Variants in DNAJB14 observed in about 807,000 individuals in gnomAD.
DNAJB14 encodes the protein DnaJ heat shock protein family (Hsp40) member B14.
In DNAJB14, 22 loss-of-function variants were observed where a neutral mutation model predicts 48.4. The ratio of observed to expected loss-of-function variants is 0.45; its 90% confidence interval spans 0.32 to 0.65. The LOEUF is 0.65. DNAJB14 is among the 30% of genes least tolerant of loss of function. The pLI is 0.03. For missense variants in DNAJB14, 319 were observed against 458.8 expected (o/e 0.70, Z 2.78); for synonymous variants, 142 against 158.7 (o/e 0.89, Z 0.79).
At chr4:99,924,740 G>A (rs1324445020) in intron 2 of DNAJB14, 3 of 1,611,008 alleles carry the variant, frequency 1.9e-6, no homozygotes, top group Admixed American at 3.4e-5. Context: ...GGAAATGGGG[G>A]GCATTTATAA....
At chr4:99,925,443 T>C (rs1726216015) in intron 2 of DNAJB14, 1 of 152,132 alleles carries the variant, frequency 6.6e-6, no homozygotes, top group South Asian at 2.1e-4. Context: ...TAAAGAATTG[T>C]AGAATTTTAT....
intron 5 of DNAJB14, chr4:99,906,095 T>A: frequency 7.6e-7 from 1 of 1,313,782 alleles, no homozygotes; most frequent in Admixed American, 2.3e-5. Flanking sequence ...GGGCCAGGCC[T>A]TTTAATTTCT....
At chr4:99,939,391 A>G (rs1012448886) in intron 1 of DNAJB14, among the ~76,000 whole-genome samples, 1 of 152,228 alleles carries the variant, frequency 6.6e-6, no homozygotes, top group Non-Finnish European at 1.5e-5. Context: ...AATAAAATAA[A>G]ACAAAATAAA....
At chr4:99,925,791 T>C (rs1726229173) in intron 2 of DNAJB14, 1 of 152,110 alleles carries the variant, frequency 6.6e-6, no homozygotes, top group Admixed American at 6.6e-5. Context: ...ATAAAGAAGC[T>C]AATAGAAACA....
intron 1 of DNAJB14, among the ~76,000 whole-genome samples, chr4:99,940,554 G>A (rs948264221): frequency 2.0e-5 from 3 of 152,108 alleles, no homozygotes; most frequent in Non-Finnish European, 2.9e-5. Flanking sequence ...TTGTGCCACT[G>A]CACTCCAGCC....
At position 99,919,547 on chromosome 4, in the gene DNAJB14, G is replaced by A. The variant is rs533337635; in HGVS notation, c.451+3493C>T. Among the ~76,000 whole-genome samples the A allele has an allele frequency of 2.0e-5, 3 of 152,196 alleles. No homozygotes were observed. In the South Asian group the frequency reaches 6.2e-4, roughly 32 times the overall value. The stretch of plus-strand genomic sequence containing the variant: ...TGCGGTGAGCTGAGACTGCGCCACT[G>A]CATTCCAGCCTGGGTGACAGAGCAA... On this transcript the variant is annotated intron_variant, in intron 3 of 7. Coordinates refer to ENST00000442697, the MANE Select transcript of DNAJB14 (RefSeq NM_001031723.4).
chr4:99,929,760 C>T (rs1033928935), intron 2 of DNAJB14: 11 of 152,184 alleles, frequency 7.2e-5, no homozygotes, highest in African/African-American at 2.7e-4. Context: ...TTGAATTAAT[C>T]TCTGTTCAAA....
intron 6 of DNAJB14, among the ~76,000 whole-genome samples, chr4:99,904,716 C>CACAAAAAG (rs1725406987): frequency 6.6e-6 from 1 of 152,006 alleles, no homozygotes; most frequent in African/African-American, 2.4e-5. Context: ...AAAAAGTAAC[C>CACAAAAAG]ACATTTTTAA....
intron 7 of DNAJB14, among the ~76,000 whole-genome samples, chr4:99,903,326 C>A (rs544181522): frequency 1.3e-5 from 2 of 151,808 alleles, no homozygotes; most frequent in East Asian, 1.9e-4. Flanking sequence ...ATTCTAAATA[C>A]AAAAGCTAAA....
intron 1 of DNAJB14, chr4:99,942,391 AAC>A (rs1726919145): frequency 6.6e-6 from 1 of 152,074 alleles, no homozygotes; most frequent in Non-Finnish European, 1.5e-5. Context: ...AAAGCATTAA[AAC>A]AGATTGTACC....
intron 1 of DNAJB14, among the ~76,000 whole-genome samples, chr4:99,933,592 T>C (rs1343307536): frequency 6.6e-6 from 1 of 152,134 alleles, no homozygotes; most frequent in Non-Finnish European, 1.5e-5. Context: ...GCCACACGCC[T>C]GGCCAATTTT....
At chr4:99,931,830 GGAAAA>G (rs1405349096) in intron 1 of DNAJB14, among the ~76,000 whole-genome samples, 4 of 151,008 alleles carry the variant, frequency 2.6e-5, no homozygotes, top group East Asian at 1.9e-4. Context: ...TAAATGGGTT[GGAAAA>G]GAAAAAACAA....
chr4:99,903,672 C>CAA, intron 7 of DNAJB14, 54 bp downstream of exon 7: 3 of 1,525,208 alleles, frequency 2.0e-6, no homozygotes, highest in Non-Finnish European at 2.6e-6. Context: ...CTACATTAAT[C>CAA]AGTTCCAAAG....
chr4:99,901,156 T>C lies in DNAJB14; in HGVS notation c.1016-4A>G. 1.3e-6 allele frequency: 2 copies of C among 1,575,888 alleles called. No homozygotes were observed. The highest frequency in any genetic ancestry group is 2.4e-5 in the South Asian group (2 of 84,644). On this transcript the variant is annotated splice_polypyrimidine_tract_variant and splice_region_variant and intron_variant, in intron 7 of 7. Coordinates refer to ENST00000442697, the MANE Select transcript of DNAJB14 (RefSeq NM_001031723.4). ...GCTGCATACTGCATATCTGTTTCTGTTAATAAAGAAAAATATTTTGCTAAT... is the reference window on the plus strand; with the variant it reads ...GCTGCATACTGCATATCTGTTTCTGCTAATAAAGAAAAATATTTTGCTAAT...
At position 99,906,591 on chromosome 4, in the gene DNAJB14, T is replaced by G; in HGVS notation, c.658A>C (p.Asn220His). The stretch of plus-strand genomic sequence containing the variant: ...TGTTGGCTATAACCAGCTCTTCCAT[T>G]TGAAAAAGAATGTACACTACCTAAA... Reference protein sequence around the residue: ...FPSGSVHSFSNGRAGYSQQHQ... With the variant: ...FPSGSVHSFSHGRAGYSQQHQ... The change falls in exon 5 of 8, where the codon AAT becomes CAT. Residue 220 changes from asparagine to histidine, a missense_variant. This residue lies in a region of DNAJB14 where 166 missense variants were observed against 236.3 expected (regional missense o/e 0.70). Transcript: ENST00000442697. 1 of 1,611,552 alleles carries G rather than the reference T, an allele frequency of 6.2e-7. No individual in the cohort carries two copies. Among genetic ancestry groups the G allele is most frequent in the Non-Finnish European group, 8.5e-7 (1 of 1,179,484 alleles).
chr4:99,946,481 G>A lies in DNAJB14; in HGVS notation c.91C>T (p.Leu31=), dbSNP rs905675763. Reference sequence around the variant, plus strand: ...GGGTAGAGCTTCTCGGCCTTCTGCAGGAAGCGCTGGGCCTTCTCGCGGTTG... The same window carrying A: ...GGGTAGAGCTTCTCGGCCTTCTGCAAGAAGCGCTGGGCCTTCTCGCGGTTG... ...AGNREKAQRF[L]QKAEKLYPLP... The change falls in exon 1 of 8, where the codon CTG becomes TTG. Residue 31 remains leucine (L), a synonymous_variant. Transcript: ENST00000442697. 1 of 1,613,798 alleles carries A rather than the reference G, an allele frequency of 6.2e-7. No homozygotes were observed. The highest frequency in any genetic ancestry group is 1.3e-5 in the African/African-American group (1 of 75,022).
chr4:99,945,593 T>A (rs1578244842), intron 1 of DNAJB14, among the ~76,000 whole-genome samples: 1 of 152,362 alleles, frequency 6.6e-6, no homozygotes, highest in South Asian at 2.1e-4. Context: ...TATCAGAAAG[T>A]CTGTTTCCAC....
At chr4:99,905,202 T>A (rs986163278) in intron 6 of DNAJB14, among the ~76,000 whole-genome samples, 10 of 152,038 alleles carry the variant, frequency 6.6e-5, no homozygotes, top group Admixed American at 4.6e-4. Context: ...TTTTATTTAA[T>A]CGATATTTTG....
In DNAJB14 at chr4:99,906,554, C is replaced by T. The variant is rs1560731722; in HGVS notation, c.695G>A (p.Arg232Gln). The T allele has an allele frequency of 4.3e-6, 7 of 1,611,212 alleles. No homozygotes were observed. The South Asian group carries it at 5.5e-5, about 13-fold the overall frequency. ...CTCTTCTCTTTCATGTCCACTATGT[C>T]GATGCTGATGTTGTTGGCTATAACC... is the stretch of plus-strand genomic sequence containing the variant. ...RAGYSQQHQH[R>Q]HSGHEREEER... is the part of the protein sequence containing the mutation. The change falls in exon 5 of 8, where the codon CGA becomes CAA. Residue 232 changes from arginine (R) to glutamine (Q), a missense_variant. Coordinates refer to ENST00000442697, the MANE Select transcript of DNAJB14 (RefSeq NM_001031723.4).
Sources: gnomAD v4.1 joint callset for allele counts (sites outside exome capture counted in the v4.1 genomes callset) on GRCh38, gnomAD v4.1.1 for gene constraint, gnomAD v4.1.1 regional missense constraint, MANE v1.5 for transcripts, NCBI Gene and HGNC (gene_info 2026-07-23, HGNC 2026-07-21) for gene names.